The following ADARB2 variants were observed in gnomAD, a reference collection of about 807,000 sequenced individuals.
The protein encoded by ADARB2 is inactive double-stranded RNA-specific editase B2.
Under a neutral mutation model 62.2 loss-of-function variants are expected in ADARB2, and 25 were observed. That is an observed-to-expected ratio of 0.40 (90% CI 0.29 to 0.56). ADARB2 has a LOEUF of 0.56. Among genes scored for constraint, ADARB2 ranks in the 20% least tolerant of loss-of-function variants. The pLI, the probability that ADARB2 is intolerant of heterozygous loss-of-function variation, is 0.43. For missense variants in ADARB2, 1,071 were observed against 1,077.4 expected (o/e 0.99, Z 0.08); for synonymous variants, 572 against 500.8 (o/e 1.14, Z -1.90).
chr10:1,559,585 T>G (rs1259949865), intron 1 of ADARB2, among the ~76,000 whole-genome samples: 1 of 152,094 alleles, frequency 6.6e-6, no homozygotes, highest in Non-Finnish European at 1.5e-5. Flanking sequence ...TAGTTCAGAT[T>G]TTGACACAAG....
chr10:1,481,913 C>A, intron 1 of ADARB2, among the ~76,000 whole-genome samples: 1 of 151,316 alleles, frequency 6.6e-6, no homozygotes, highest in Admixed American at 6.6e-5. Context: ...CTTAACCCAT[C>A]CAACTTAAAA....
chr10:1,482,911 A>G (rs910223750), intron 1 of ADARB2, among the ~76,000 whole-genome samples: 4 of 152,042 alleles, frequency 2.6e-5, no homozygotes, highest in Admixed American at 1.3e-4. Flanking sequence ...TTTTCTTTAT[A>G]CTTGGGCTGC....
At chr10:1,691,849 CT>C (rs1834676697) in intron 1 of ADARB2, among the ~76,000 whole-genome samples, 1 of 152,202 alleles carries the variant, frequency 6.6e-6, no homozygotes, top group African/African-American at 2.4e-5. Flanking sequence ...GCTGTTGCTG[CT>C]GCCTGATCTC....
At chr10:1,324,166 A>C (rs748974519) in intron 3 of ADARB2, among the ~76,000 whole-genome samples, 12 of 152,242 alleles carry the variant, frequency 7.9e-5, no homozygotes, top group Admixed American at 2.6e-4. Flanking sequence ...TATATTAGTC[A>C]TTCAGGAAAT....
intron 3 of ADARB2, among the ~76,000 whole-genome samples, chr10:1,349,118 AAAG>A (rs1169546609): frequency 1.3e-5 from 2 of 152,094 alleles, no homozygotes; most frequent in African/African-American, 4.8e-5. Flanking sequence ...TTCCACCACA[AAAG>A]AAGTGAAAAT....
chr10:1,405,883 T>G (rs1832703610), intron 1 of ADARB2, among the ~76,000 whole-genome samples: 1 of 149,722 alleles, frequency 6.7e-6, no homozygotes, highest in Admixed American at 6.7e-5. Flanking sequence ...CCCTTCGCCA[T>G]GATGCACCTG....
At position 1,216,975 on chromosome 10, in the gene ADARB2, A is replaced by T; in HGVS notation, c.1658T>A (p.Met553Lys). 6.2e-7 allele frequency: 1 copy of T among 1,608,610 alleles called. No individual in the cohort carries two copies. The highest frequency in any genetic ancestry group is 8.5e-7 in the Non-Finnish European group (1 of 1,179,708). Residue 553 changes from methionine (M) to lysine (K), a missense_variant, in exon 7 of 10, where the codon ATG (methionine) becomes AAG (lysine). Physicochemically the swap from Met to Lys is moderately conservative, Grantham distance 95 (BLOSUM62 -1). Transcript: ENST00000381312. Reference protein sequence around the residue: ...GVLLGEQLITMSCTDKIARWN... With the variant: ...GVLLGEQLITKSCTDKIARWN... Reference sequence around the variant, plus strand: ...CCTGGCGATCTTGTCCGTGCAGGACATGGTGATCAGCTGCTCCCCCAGCAG... The same window carrying T: ...CCTGGCGATCTTGTCCGTGCAGGACTTGGTGATCAGCTGCTCCCCCAGCAG...
At chr10:1,697,455 G>A (rs1834761778) in intron 1 of ADARB2, among the ~76,000 whole-genome samples, 1 of 152,172 alleles carries the variant, frequency 6.6e-6, no homozygotes, top group South Asian at 2.1e-4. Flanking sequence ...ATCACTGGAG[G>A]CATCGATGCA....
At chr10:1,332,844 A>C (rs778351237) in intron 3 of ADARB2, among the ~76,000 whole-genome samples, 11 of 152,252 alleles carry the variant, frequency 7.2e-5, no homozygotes, top group Non-Finnish European at 8.8e-5. Context: ...TAATTGATTA[A>C]GTTGTAAGAA....
chr10:1,334,712 A>C (rs981401676), intron 3 of ADARB2, among the ~76,000 whole-genome samples: 6 of 150,608 alleles, frequency 4.0e-5, no homozygotes, highest in African/African-American at 1.5e-4. Context: ...ATTTGTATAG[A>C]GTTAAAATTA....
intron 1 of ADARB2, among the ~76,000 whole-genome samples, chr10:1,451,168 C>A (rs889357725): frequency 3.9e-5 from 5 of 128,534 alleles, no homozygotes; most frequent in Admixed American, 8.4e-5. Context: ...GGAAATAGTT[C>A]ATCAAAAAAC....
chr10:1,449,611 G>A (rs1184159835), intron 1 of ADARB2, among the ~76,000 whole-genome samples: 6 of 152,180 alleles, frequency 3.9e-5, no homozygotes, highest in Admixed American at 1.3e-4. Context: ...AGGAGAAGCC[G>A]AAGAGAACAT....
rs549062815 is a variant in ADARB2 at position 1,506,144 on chromosome 10, G to T, written c.101-126984C>A. Among the ~76,000 whole-genome samples the T allele has an allele frequency of 5.3e-4, 81 of 152,196 alleles. No homozygotes were observed. The South Asian group carries it at 7.5e-3, about 14-fold the overall frequency. ...TATTGGACTTTTTACTGTCTGTCATGACGGTCCTTTGGAATGGTTTTCAGG... is the reference window on the plus strand; with the variant it reads ...TATTGGACTTTTTACTGTCTGTCATTACGGTCCTTTGGAATGGTTTTCAGG... On this transcript the variant is annotated intron_variant, in intron 1 of 9. Transcript: ENST00000381312.
At chr10:1,400,780 G>T (rs929255728) in intron 1 of ADARB2, among the ~76,000 whole-genome samples, 1 of 152,124 alleles carries the variant, frequency 6.6e-6, no homozygotes, top group East Asian at 1.9e-4. Flanking sequence ...CGTTCCACAC[G>T]GTTTGTAAAA....
chr10:1,606,856 G>C (rs1457891993), intron 1 of ADARB2, among the ~76,000 whole-genome samples: 1 of 152,104 alleles, frequency 6.6e-6, no homozygotes, highest in East Asian at 1.9e-4. Context: ...CTAAACCTGA[G>C]GTTCACATTA....
chr10:1,283,472 T>C (rs551798025), intron 3 of ADARB2, among the ~76,000 whole-genome samples: 49 of 152,330 alleles, frequency 3.2e-4, no homozygotes, highest in African/African-American at 1.2e-3. Flanking sequence ...AAGTGGCTCA[T>C]TGGTGGGGTG....
chr10:1,573,696 C>T (rs1054451376), intron 1 of ADARB2, among the ~76,000 whole-genome samples: 1 of 152,108 alleles, frequency 6.6e-6, no homozygotes, highest in Non-Finnish European at 1.5e-5. Flanking sequence ...CTGGGGTTCT[C>T]GTTATGAGGT....
intron 1 of ADARB2, among the ~76,000 whole-genome samples, chr10:1,511,206 G>A (rs1008352769): frequency 2.6e-5 from 4 of 152,062 alleles, no homozygotes; most frequent in African/African-American, 9.7e-5. Flanking sequence ...GGCGTATCGG[G>A]TGGATGCACT....
chr10:1,716,613 G>A (rs1296991050), intron 1 of ADARB2, among the ~76,000 whole-genome samples: 2 of 152,142 alleles, frequency 1.3e-5, no homozygotes, highest in Non-Finnish European at 2.9e-5. Context: ...TTCTCAATGT[G>A]CGTTACCTCT....
Sources: gnomAD v4.1 joint callset for allele counts (sites outside exome capture counted in the v4.1 genomes callset) on GRCh38, gnomAD v4.1.1 for gene constraint, MANE v1.5 for transcripts, NCBI Gene and HGNC (gene_info 2026-07-23, HGNC 2026-07-21) for gene names.